ASPM: variants seen among roughly 807,000 people sequenced by gnomAD.
ASPM encodes abnormal spindle-like microcephaly-associated protein.
Under a neutral mutation model 366.4 loss-of-function variants are expected in ASPM, and 256 were observed. That is an observed-to-expected ratio of 0.70 (90% CI 0.63 to 0.77). The LOEUF (loss-of-function observed/expected upper bound fraction) is 0.77, where lower values mean the gene tolerates loss of function less well. ASPM is among the 30% of genes least tolerant of loss of function. The probability of loss-of-function intolerance (pLI) is 0.00; values close to 1 mark genes in which losing one functional copy is unlikely to be tolerated. For missense variants in ASPM, 4,146 were observed against 4,090.4 expected, an observed-to-expected ratio of 1.01 and a Z score of -0.37; for synonymous variants, 1,414 against 1,342.9, an observed-to-expected ratio of 1.05 and a Z score of -1.16.
chr1:197,100,831 T>A lies in ASPM; in HGVS notation c.8420A>T (p.Gln2807Leu), dbSNP rs1171150174. 1.9e-6 allele frequency: 3 copies of A among 1,612,566 alleles called. No individual in the cohort carries two copies. The highest frequency in any genetic ancestry group is 2.5e-6 in the Non-Finnish European group (3 of 1,179,146). ...ACTTTGAGAATGATACTCTGCTTCCTGTGAACAAGCAAGGCCAGAAGCTTT... is the reference window on the plus strand; with the variant it reads ...ACTTTGAGAATGATACTCTGCTTCCAGTGAACAAGCAAGGCCAGAAGCTTT... ...WYKASGLACS[Q>L]EAEYHSQSRA... The change falls in exon 18 of 28, where the codon CAG (glutamine) becomes CTG (leucine). Residue 2807 changes from glutamine to leucine, a missense_variant. Physicochemically the swap from Gln to Leu is moderately radical, Grantham distance 113 (BLOSUM62 -2). Coordinates refer to ENST00000367409, the MANE Select transcript of ASPM (RefSeq NM_018136.5).
intron 18 of ASPM, among the ~76,000 whole-genome samples, chr1:197,097,319 C>T (rs548829499): frequency 4.0e-5 from 6 of 151,858 alleles, no homozygotes; most frequent in Admixed American, 1.3e-4. Context: ...CTGTAATACG[C>T]TTCCCCCTGC....
chr1:197,100,407 T>C lies in ASPM; in HGVS notation c.8820+24A>G, dbSNP rs928228568. 9 of 1,377,898 alleles carry C rather than the reference T, an allele frequency of 6.5e-6. No homozygotes were observed. The African/African-American group carries it at 8.9e-5, about 14-fold the overall frequency. 85.4% of individuals were successfully genotyped at this position (1,377,898 alleles called of 1,614,324 possible). On this transcript the variant is annotated intron_variant, in intron 18 of 27. Transcript: ENST00000367409. Reference sequence around the variant, plus strand: ...GTCAAAAGAAAGACTCACAGTTTTATATTTAAATTAAATATAGAAATACCT... The same window carrying C: ...GTCAAAAGAAAGACTCACAGTTTTACATTTAAATTAAATATAGAAATACCT...
chr1:197,121,699 G>T (rs1657908393), intron 16 of ASPM, among the ~76,000 whole-genome samples: 1 of 152,142 alleles, frequency 6.6e-6, no homozygotes, highest in Non-Finnish European at 1.5e-5. Flanking sequence ...ACTAGGTGAA[G>T]GGGTGGACAG....
At chr1:197,128,375 T>C (rs1658153468) in intron 10 of ASPM, 115 bp downstream of exon 10, 2 of 1,051,338 alleles carry the variant, frequency 1.9e-6, no homozygotes, top group Non-Finnish European at 2.9e-6. Flanking sequence ...TTTTTTTCAG[T>C]ACTAAATTTA....
chr1:197,105,125 T>C lies in ASPM; in HGVS notation c.4126A>G (p.Ile1376Val). 6.2e-7 allele frequency: 1 copy of C among 1,609,026 alleles called. No individual in the cohort carries two copies. Among genetic ancestry groups the C allele is most frequent in the Non-Finnish European group, 8.5e-7 (1 of 1,176,250 alleles). The change falls in exon 18 of 28, where the codon ATC (isoleucine) becomes GTC (valine). Residue 1376 changes from isoleucine (I) to valine (V), a missense_variant. By Grantham distance (29) the Ile-to-Val change is conservative. Coordinates refer to ENST00000367409, the MANE Select transcript of ASPM (RefSeq NM_018136.5). Reference sequence around the variant, plus strand: ...ATCATTCTTATCCTAGATTGCAGGATGATTGAATAATATTTCAATTTCAGA... The same window carrying C: ...ATCATTCTTATCCTAGATTGCAGGACGATTGAATAATATTTCAATTTCAGA... The part of the protein sequence containing the change: ...RFLKLKYYSI[I>V]LQSRIRMIIA...
At position 197,129,183 on chromosome 1, in the gene ASPM, A is replaced by C. The variant is rs1196419606; in HGVS notation, c.2760+4T>G. On this transcript the variant is annotated splice_donor_region_variant and intron_variant, in intron 9 of 27. Transcript: ENST00000367409. ...AAATATAAAGCATACAATGAAAAGC[A>C]TACCTTGAATTCGGCATCTTTACAG... 4 of 1,611,532 alleles carry C rather than the reference A, an allele frequency of 2.5e-6. No individual in the cohort carries two copies. In the African/African-American group the frequency reaches 5.3e-5, roughly 22 times the overall value.
In ASPM at chr1:197,104,584, A is replaced by C; in HGVS notation, c.4667T>G (p.Leu1556Ter). 6.2e-7 allele frequency: 1 copy of C among 1,612,936 alleles called. No homozygotes were observed. The highest frequency in any genetic ancestry group is 1.1e-5 in the South Asian group (1 of 91,062). ...ACAAGCAGCTCTAATTTGTCTACATAAATTATGAGCTTTCAGTCTCCTAAA... is the reference window on the plus strand; with the variant it reads ...ACAAGCAGCTCTAATTTGTCTACATCAATTATGAGCTTTCAGTCTCCTAAA... ...AAFRRLKAHN[L>*]CRQIRAACVI... The change falls in exon 18 of 28, where the codon TTA becomes TGA. Residue 1556 changes from leucine to a stop codon, truncating the protein, a stop_gained. Transcript: ENST00000367409. LOFTEE classifies it high-confidence loss of function.
chr1:197,125,474 AGAAAG>A (rs1399091688), intron 10 of ASPM, among the ~76,000 whole-genome samples: 8 of 152,182 alleles, frequency 5.3e-5, no homozygotes, highest in African/African-American at 1.9e-4. Context: ...GAAAAGAGAA[AGAAAG>A]GAAAGGACAG....
At chr1:197,087,023 A>G in intron 26 of ASPM, 51 bp from the exon 27 acceptor site, 2 of 1,505,616 alleles carry the variant, frequency 1.3e-6, no homozygotes, top group Non-Finnish European at 1.8e-6. Flanking sequence ...TTAAAATTTT[A>G]TCTCTTTTAG....
chr1:197,085,015 C>T (rs1206663768), intron 27 of ASPM, among the ~76,000 whole-genome samples: 3 of 152,208 alleles, frequency 2.0e-5, no homozygotes, highest in Admixed American at 1.3e-4. Flanking sequence ...TTGGCCTCAA[C>T]ACATACCCAA....
chr1:197,108,107 C>T (rs1041328643), intron 17 of ASPM, among the ~76,000 whole-genome samples: 4 of 151,462 alleles, frequency 2.6e-5, no homozygotes, highest in Non-Finnish European at 5.9e-5. Context: ...AAGTCACTAA[C>T]AGAAAAATAA....
At chr1:197,107,563 C>T (rs1657451307) in intron 17 of ASPM, among the ~76,000 whole-genome samples, 1 of 152,020 alleles carries the variant, frequency 6.6e-6, no homozygotes, top group Non-Finnish European at 1.5e-5. Context: ...TTTCAACTCT[C>T]ACAAGAAAAG....
intron 16 of ASPM, 132 bp downstream of exon 16, chr1:197,121,783 C>T: frequency 8.7e-7 from 1 of 1,155,938 alleles, no homozygotes; most frequent in African/African-American, 1.5e-5. Context: ...ACCCAAAATA[C>T]ATATACACAA....
Position 197,103,585 on chromosome 1 carries a change from T to C in ASPM, c.5666A>G (p.Lys1889Arg), listed in dbSNP as rs1242288694. Residue 1889 changes from lysine to arginine, a missense_variant, in exon 18 of 28, where the codon AAG becomes AGG. Around this residue, in one of 3 missense-constraint regions of ASPM, gnomAD observed 3,624 missense variants for 3,591.7 expected, o/e 1.01. Transcript: ENST00000367409. ...ISLQSAYRGW[K>R]VRKQIRREHQ... ...TTCCCTTCTAATCTGTTTCCGAACC[T>C]TCCAGCCACGATAAGCAGACTGGAG... 5 of 1,612,934 alleles carry C rather than the reference T, an allele frequency of 3.1e-6. No homozygotes were observed. The highest frequency in any genetic ancestry group is 4.2e-6 in the Non-Finnish European group (5 of 1,179,456).
rs373469406 is a variant in ASPM at position 197,117,968 on chromosome 1, C to A, written c.3886G>T (p.Ala1296Ser). The A allele has an allele frequency of 6.2e-7, 1 of 1,613,302 alleles. No homozygotes were observed. Among genetic ancestry groups the A allele is most frequent in the Non-Finnish European group, 8.5e-7 (1 of 1,179,528 alleles). Residue 1296 changes from alanine to serine, a missense_variant, in exon 17 of 28, where the codon GCA becomes TCA. Ala to Ser is a moderately conservative substitution (Grantham distance 99). Transcript: ENST00000367409. ...LKRHQEREKA[A>S]RIIQLAVINF... is the part of the protein sequence containing the mutation. Reference sequence around the variant, plus strand: ...ATTACAGCCAATTGAATAATTCTTGCAGCTTTCTCTCTCTCCTAAAATAAA... The same window carrying A: ...ATTACAGCCAATTGAATAATTCTTGAAGCTTTCTCTCTCTCCTAAAATAAA...
In ASPM at chr1:197,103,564, C is replaced by T; in HGVS notation, c.5687G>A (p.Arg1896Lys). ...RGWKVRKQIR[R>K]EHQAALKIQS... ...AATCTTCAAGGCAGCTTGATGTTCC[C>T]TTCTAATCTGTTTCCGAACCTTCCA... Residue 1896 changes from arginine to lysine, a missense_variant, in exon 18 of 28, where the codon AGG becomes AAG. Physicochemically the swap from Arg to Lys is conservative, Grantham distance 26 (BLOSUM62 2). Transcript: ENST00000367409. 6.2e-7 allele frequency: 1 copy of T among 1,612,942 alleles called. No homozygotes were observed. Among genetic ancestry groups the T allele is most frequent in the Non-Finnish European group, 8.5e-7 (1 of 1,179,450 alleles).
chr1:197,105,608 G>A (rs914229134), intron 17 of ASPM, among the ~76,000 whole-genome samples: 1 of 151,866 alleles, frequency 6.6e-6, no homozygotes, highest in Non-Finnish European at 1.5e-5. Flanking sequence ...ACTAGAAACT[G>A]TTTATGTGAA....
chr1:197,104,826 A>G lies in ASPM; in HGVS notation c.4425T>C (p.Tyr1475=), dbSNP rs766399313. ...ENSAIIIQSW[Y]RMHKELRKYI... ...ATTTCCGTAATTCTTTATGCATTCT[A>G]TACCATGATTGTATGATAATAGCAG... Residue 1475 remains tyrosine (Y), a synonymous_variant, in exon 18 of 28, where the codon TAT becomes TAC. Transcript: ENST00000367409. The G allele has an allele frequency of 1.9e-6, 3 of 1,591,638 alleles. No individual in the cohort carries two copies. Among genetic ancestry groups the G allele is most frequent in the East Asian group, 2.2e-5 (1 of 44,596 alleles).
At position 197,143,332 on chromosome 1, in the gene ASPM, T is replaced by C. The variant is rs1658662192; in HGVS notation, c.920A>G (p.Asn307Ser). 1.2e-6 allele frequency: 2 copies of C among 1,614,006 alleles called. No homozygotes were observed. The highest frequency in any genetic ancestry group is 1.7e-6 in the Non-Finnish European group (2 of 1,179,848). Residue 307 changes from asparagine to serine, a missense_variant, in exon 3 of 28, where the codon AAC becomes AGC. By Grantham distance (46) the Asn-to-Ser change is conservative. Coordinates refer to ENST00000367409, the MANE Select transcript of ASPM (RefSeq NM_018136.5). Reference sequence around the variant, plus strand: ...AAAATGTATTTGGCTTTGTGTAATGTTCAAAGTTGAAGAACAGTTGGGGGT... The same window carrying C: ...AAAATGTATTTGGCTTTGTGTAATGCTCAAAGTTGAAGAACAGTTGGGGGT... ...SLTPNCSSTL[N>S]ITQSQIHFLS...
Sources: gnomAD v4.1 joint callset for allele counts (sites outside exome capture counted in the v4.1 genomes callset) on GRCh38, gnomAD v4.1.1 for gene constraint, gnomAD v4.1.1 regional missense constraint, MANE v1.5 for transcripts, NCBI Gene and HGNC (gene_info 2026-07-23, HGNC 2026-07-21) for gene names.